IGDCC4: variants seen among roughly 807,000 people sequenced by gnomAD.
IGDCC4 encodes likely ortholog of mouse neighbor of Punc E11.
A neutral mutation model predicts 116.6 loss-of-function variants in IGDCC4; 72 were observed. The observed-to-expected ratio is 0.62, with a 90% CI of 0.51 to 0.75. The LOEUF is 0.75. IGDCC4 is among the 30% of genes least tolerant of loss of function. IGDCC4 has a pLI of 0.00. For missense variants in IGDCC4, 1,501 were observed against 1,662.4 expected, an observed-to-expected ratio of 0.90 and a Z score of 1.69; for synonymous variants, 709 against 719.9, an observed-to-expected ratio of 0.98 and a Z score of 0.24.
At chr15:65,414,417 C>T (rs1011565813) in intron 1 of IGDCC4, among the ~76,000 whole-genome samples, 3 of 152,192 alleles carry the variant, frequency 2.0e-5, no homozygotes, top group Non-Finnish European at 4.4e-5. Context: ...CACACTACTG[C>T]GGGCCACGTG....
intron 18 of IGDCC4, chr15:65,385,544 T>TC (rs997124771): frequency 1.8e-6 from 1 of 565,204 alleles, no homozygotes; most frequent in African/African-American, 1.9e-5. Context: ...CTCAGAGGTC[T>TC]CCCCAGCTCC....
At chr15:65,391,635 C>T (rs2091515775) in intron 12 of IGDCC4, among the ~76,000 whole-genome samples, 1 of 152,222 alleles carries the variant, frequency 6.6e-6, no homozygotes, top group African/African-American at 2.4e-5. Flanking sequence ...CTTTGGAAAT[C>T]AGCACTATTC....
chr15:65,398,542 A>G lies in IGDCC4; in HGVS notation c.842-1553T>C, dbSNP rs1436621259. On this transcript the variant is annotated intron_variant, in intron 5 of 19. Transcript: ENST00000352385. The stretch of plus-strand genomic sequence containing the variant: ...GAGCAAAACTCCATCTCAAAAAAAA[A>G]AAAAAAAAAAAAAAGAAAGAAAAGA... 3.2e-3 allele frequency among the ~76,000 whole-genome samples: 481 copies of G among 150,468 alleles called. 10 individuals are homozygous for G. The highest frequency in any genetic ancestry group is 0.022 in the Admixed American group (339 of 15,086).
At chr15:65,401,937 A>C (rs1182108319) in intron 4 of IGDCC4, among the ~76,000 whole-genome samples, 2 of 148,652 alleles carry the variant, frequency 1.3e-5, no homozygotes, top group Non-Finnish European at 1.5e-5. Context: ...TGCAAGGCAC[A>C]GAAAGCAGAG....
chr15:65,396,747 C>T (rs2062930972), intron 6 of IGDCC4, 87 bp downstream of exon 6: 3 of 1,489,936 alleles, frequency 2.0e-6, no homozygotes, highest in African/African-American at 1.4e-5. Flanking sequence ...CCTGAGTGCC[C>T]CCAGCACACC....
intron 17 of IGDCC4, among the ~76,000 whole-genome samples, chr15:65,386,296 T>C (rs922326056): frequency 6.6e-6 from 1 of 152,208 alleles, no homozygotes; most frequent in Non-Finnish European, 1.5e-5. Flanking sequence ...CTTTCCAAGA[T>C]GCTGGCAGCT....
intron 15 of IGDCC4, 51 bp downstream of exon 15, chr15:65,388,757 G>C: frequency 1.2e-6 from 2 of 1,610,558 alleles, no homozygotes; most frequent in Non-Finnish European, 8.5e-7. Context: ...TGCTGGAAGC[G>C]GGAGAGGCTG....
Position 65,386,675 on chromosome 15 carries a change from G to C in IGDCC4, c.2846-19C>G. 6.3e-7 allele frequency: 1 copy of C among 1,593,630 alleles called. No homozygotes were observed. Among genetic ancestry groups the C allele is most frequent in the South Asian group, 1.1e-5 (1 of 88,364 alleles). On this transcript the variant is annotated intron_variant, in intron 16 of 19. Coordinates refer to ENST00000352385, the MANE Select transcript of IGDCC4 (RefSeq NM_020962.3). Reference sequence around the variant, plus strand: ...AGCGAGTCTGGTGGGGGAGAGAGAGGCACAGAGCAGGTCAGGACAGAGGAA... The same window carrying C: ...AGCGAGTCTGGTGGGGGAGAGAGAGCCACAGAGCAGGTCAGGACAGAGGAA...
chr15:65,420,338 C>A (rs1224770157), intron 1 of IGDCC4, among the ~76,000 whole-genome samples: 1 of 152,222 alleles, frequency 6.6e-6, no homozygotes, highest in African/African-American at 2.4e-5. Flanking sequence ...TGGAATGCAG[C>A]CACTCCAGCC....
chr15:65,392,209 G>T lies in IGDCC4; in HGVS notation c.2047C>A (p.Arg683Ser). 1 of 1,613,678 alleles carries T rather than the reference G, an allele frequency of 6.2e-7. No individual in the cohort carries two copies. The highest frequency in any genetic ancestry group is 8.5e-7 in the Non-Finnish European group (1 of 1,179,894). ...CCCACATCCCAAGCCTGGTCTCCAC[G>T]GCCCCCTGGCAGGCGATCGCCATTG... ...EANGDRLPGG[R>S]GDQAWDVGPV... The change falls in exon 11 of 20, where the codon CGT (arginine) becomes AGT (serine). Residue 683 changes from arginine (R) to serine (S), a missense_variant. Physicochemically the swap from Arg to Ser is moderately radical, Grantham distance 110 (BLOSUM62 -1). Coordinates refer to ENST00000352385, the MANE Select transcript of IGDCC4 (RefSeq NM_020962.3).
At position 65,385,095 on chromosome 15, in the gene IGDCC4, G is replaced by A. The variant is rs545014951; in HGVS notation, c.3201C>T (p.Ser1067=). The A allele has an allele frequency of 6.3e-7, 1 of 1,596,666 alleles. No homozygotes were observed. The highest frequency in any genetic ancestry group is 2.3e-5 in the East Asian group (1 of 43,924). ...CCCAGGAACCAGCCCAGCTCAGCCC[G>A]CTTGGTTGAGCCCAGGAGATCTGCA... The part of the protein sequence containing the change: ...SKRKISWAQP[S]GLSWAGSWAG... The change falls in exon 19 of 20, where the codon AGC becomes AGT. Residue 1067 remains serine (S), a synonymous_variant. Transcript: ENST00000352385.
At chr15:65,414,946 A>G (rs116594198) in intron 1 of IGDCC4, among the ~76,000 whole-genome samples, 2,017 of 152,294 alleles carry the variant, frequency 0.013, 31 homozygotes, top group South Asian at 0.049. Flanking sequence ...CTGGAAGAGC[A>G]CATCCAAAGT....
intron 8 of IGDCC4, 31 bp from the exon 9 acceptor site, chr15:65,394,579 G>C (rs777141935): frequency 8.3e-6 from 13 of 1,559,064 alleles, no homozygotes; most frequent in Non-Finnish European, 1.0e-5. Context: ...CATGAGCTCT[G>C]CTCCACCGAC....
rs1240716179 is a variant in IGDCC4 at position 65,385,987 on chromosome 15, G to T, written c.3024C>A (p.Gly1008=). The T allele has an allele frequency of 3.8e-6, 6 of 1,580,552 alleles. No homozygotes were observed. The highest frequency in any genetic ancestry group is 1.9e-5 in the Admixed American group (1 of 53,820). The change falls in exon 18 of 20, where the codon GGC becomes GGA. Residue 1008 remains glycine, a synonymous_variant. Coordinates refer to ENST00000352385, the MANE Select transcript of IGDCC4 (RefSeq NM_020962.3). ...CATGGGCAGCTGGGGGGCTGGGGGG[G>T]CCAAGCCGAGCTCTGGAGTACAGCG... ...NPALYSRARL[G]PPSPPAAHEL... is the part of the protein sequence containing the mutation.
rs1247228943 is a variant in IGDCC4 at position 65,393,026 on chromosome 15, AATC to A, written c.1885+332_1885+334del. On this transcript the variant is annotated intron_variant, in intron 10 of 19. Coordinates refer to ENST00000352385, the MANE Select transcript of IGDCC4 (RefSeq NM_020962.3). This position sits in a 1 kb window ranked among gnomAD's most constrained non-coding sequence, Gnocchi z 4.6. Reference sequence around the variant, plus strand: ...TTCTATTGGGCCTCTCAACAAAAACAATCATCATCACCATCATCCTCGAAGCAG... The same window carrying A: ...TTCTATTGGGCCTCTCAACAAAAACAATCATCACCATCATCCTCGAAGCAG... 2.0e-5 allele frequency among the ~76,000 whole-genome samples: 3 copies of A among 152,186 alleles called. No homozygotes were observed. The highest frequency in any genetic ancestry group is 7.2e-5 in the African/African-American group (3 of 41,444).
At chr15:65,398,533 C>CAAAAAAAAAAAAAA (rs3082803) in intron 5 of IGDCC4, among the ~76,000 whole-genome samples, 9 of 77,598 alleles carry the variant, frequency 1.2e-4, no homozygotes, top group Non-Finnish European at 1.8e-4. Flanking sequence ...AACTCCATCT[C>CAAAAAAAAAAAAAA]AAAAAAAAAA....
rs767939629 is a variant in IGDCC4, at chr15:65,390,231, C to T, written c.2332G>A (p.Val778Ile). ...CGCACAGTGTAGTTGACAATCTTGA[C>T]TGTGGTGAAATCTGGCTTTTTCCAC... The part of the protein sequence containing the change: ...LRWKKPDFTT[V>I]KIVNYTVRFS... Residue 778 changes from valine (V) to isoleucine (I), a missense_variant, in exon 13 of 20, where the codon GTC (valine) becomes ATC (isoleucine). Val to Ile is a conservative substitution (Grantham distance 29). Transcript: ENST00000352385. 7 of 1,613,478 alleles carry T rather than the reference C, an allele frequency of 4.3e-6. No individual in the cohort carries two copies. The highest frequency in any genetic ancestry group is 1.7e-5 in the Admixed American group (1 of 60,014).
intron 5 of IGDCC4, among the ~76,000 whole-genome samples, chr15:65,399,246 G>A (rs1347405541): frequency 6.6e-6 from 1 of 152,100 alleles, no homozygotes; most frequent in Non-Finnish European, 1.5e-5. Flanking sequence ...CAAAATGGGT[G>A]GGTTGTTTAA....
chr15:65,413,025 TG>T (rs1251541266), intron 1 of IGDCC4, among the ~76,000 whole-genome samples: 2 of 19,822 alleles, frequency 1.0e-4, no homozygotes, highest in Admixed American at 6.6e-4. Context: ...TGTGAGAAAA[TG>T]TGTGTGTGTG....
Sources: allele counts gnomAD v4.1 joint callset (sites outside exome capture counted in the v4.1 genomes callset), GRCh38; gene constraint gnomAD v4.1.1; non-coding constraint Gnocchi (gnomAD v3.1); transcripts MANE v1.5; gene names NCBI Gene and HGNC (gene_info 2026-07-23, HGNC 2026-07-21).